The following PDE4D variants were observed in gnomAD, a reference collection of about 807,000 sequenced individuals.
The protein encoded by PDE4D is phosphodiesterase 4D.
A neutral mutation model predicts 87.4 loss-of-function variants in PDE4D; 24 were observed. That is an observed-to-expected ratio of 0.27 (90% CI 0.20 to 0.39). The LOEUF (loss-of-function observed/expected upper bound fraction) is 0.39, where lower values mean the gene tolerates loss of function less well. Ranked by LOEUF, PDE4D falls within the 10% of genes least tolerant of loss-of-function variation. PDE4D has a pLI of 1.00. For missense variants in PDE4D, 714 were observed against 1,041.0 expected, an observed-to-expected ratio of 0.69 and a Z score of 4.32; for synonymous variants, 384 against 383.2, an observed-to-expected ratio of 1.00 and a Z score of -0.02.
chr5:59,016,390 CTTTTTT>C (rs35622981), intron 6 of PDE4D, among the ~76,000 whole-genome samples: 1 of 78,598 alleles, frequency 1.3e-5, no homozygotes, highest in Non-Finnish European at 2.4e-5. Context: ...TCAGTCTGTT[CTTTTTT>C]TTTTTTTTTT....
chr5:59,210,636 A>G (rs992313150), intron 2 of PDE4D, among the ~76,000 whole-genome samples: 3 of 152,214 alleles, frequency 2.0e-5, no homozygotes, highest in African/African-American at 7.2e-5. Flanking sequence ...TTTTTATGGT[A>G]TATCAAATCT....
At chr5:59,514,865 A>G (rs542225112) in intron 1 of PDE4D, among the ~76,000 whole-genome samples, 3 of 152,354 alleles carry the variant, frequency 2.0e-5, no homozygotes, top group African/African-American at 7.2e-5. Flanking sequence ...TTCATTCTAT[A>G]ATGAAACTTA....
At chr5:60,457,070 C>T (rs1746526892) in intron 1 of PDE4D, among the ~76,000 whole-genome samples, 1 of 152,198 alleles carries the variant, frequency 6.6e-6, no homozygotes, top group South Asian at 2.1e-4. Flanking sequence ...GGCACACAAG[C>T]TCCTTGGAAC....
chr5:59,669,816 C>T (rs771170895), intron 1 of PDE4D, among the ~76,000 whole-genome samples: 1 of 152,140 alleles, frequency 6.6e-6, no homozygotes, highest in Non-Finnish European at 1.5e-5. Context: ...CTACTTTCTT[C>T]CTTTTTCACT....
intron 6 of PDE4D, among the ~76,000 whole-genome samples, chr5:58,995,081 A>C (rs1748904376): frequency 6.6e-6 from 1 of 152,080 alleles, no homozygotes; most frequent in Admixed American, 6.6e-5. Flanking sequence ...AACTGGCATG[A>C]CCAGTACAAA....
intron 1 of PDE4D, among the ~76,000 whole-genome samples, chr5:60,278,704 A>G (rs1751604277): frequency 6.7e-6 from 1 of 149,906 alleles, no homozygotes; most frequent in African/African-American, 2.5e-5. Context: ...TAGTTATTGT[A>G]TTTTTCAGTT....
intron 1 of PDE4D, among the ~76,000 whole-genome samples, chr5:59,410,422 T>C (rs1254379533): frequency 1.3e-5 from 2 of 152,158 alleles, no homozygotes; most frequent in Non-Finnish European, 1.5e-5. Flanking sequence ...AATTTTTATA[T>C]TTTTAGTAGA....
chr5:59,296,798 C>CGT (rs1769193909), intron 1 of PDE4D, among the ~76,000 whole-genome samples: 1 of 150,716 alleles, frequency 6.6e-6, no homozygotes, highest in African/African-American at 2.4e-5. Flanking sequence ...CACACACACA[C>CGT]GCGTGCATGC....
At chr5:60,086,454 A>G (rs1774543923) in intron 2 of PDE4D, among the ~76,000 whole-genome samples, 1 of 152,240 alleles carries the variant, frequency 6.6e-6, no homozygotes, top group African/African-American at 2.4e-5. Flanking sequence ...AAACAAACTC[A>G]TAAGAACATT....
At chr5:59,974,335 G>T (rs997166476) in intron 3 of PDE4D, among the ~76,000 whole-genome samples, 5 of 152,032 alleles carry the variant, frequency 3.3e-5, no homozygotes, top group Non-Finnish European at 7.4e-5. Flanking sequence ...TGTTATTATT[G>T]CTGGCAAAAT....
At chr5:59,951,274 T>G (rs994617210) in intron 3 of PDE4D, among the ~76,000 whole-genome samples, 1 of 152,156 alleles carries the variant, frequency 6.6e-6, no homozygotes, top group Non-Finnish European at 1.5e-5. Flanking sequence ...TAAAAATACC[T>G]AATGCAAAGG....
At chr5:59,090,965 G>T in intron 5 of PDE4D, 4 of 302,894 alleles carry the variant, frequency 1.3e-5, no homozygotes, top group South Asian at 2.8e-5. Context: ...TTTGGCCTTT[G>T]GCTCCCTAAA....
chr5:60,012,981 C>T (rs1765159278), intron 2 of PDE4D, among the ~76,000 whole-genome samples: 1 of 152,114 alleles, frequency 6.6e-6, no homozygotes, highest in Non-Finnish European at 1.5e-5. Context: ...TTTTCTCTTG[C>T]CTCTGCGCCC....
At chr5:59,338,804 C>A (rs956867027) in intron 1 of PDE4D, among the ~76,000 whole-genome samples, 5 of 152,130 alleles carry the variant, frequency 3.3e-5, no homozygotes, top group Admixed American at 2.6e-4. Context: ...TAAATTCCTA[C>A]AAAAATTTCC....
At chr5:60,292,039 A>G (rs1467042711) in intron 1 of PDE4D, among the ~76,000 whole-genome samples, 1 of 152,206 alleles carries the variant, frequency 6.6e-6, no homozygotes, top group African/African-American at 2.4e-5. Flanking sequence ...GTAGGATTCA[A>G]CATTCTAGAT....
chr5:60,070,286 G>C (rs573545919), intron 2 of PDE4D, among the ~76,000 whole-genome samples: 1 of 151,910 alleles, frequency 6.6e-6, no homozygotes, highest in Non-Finnish European at 1.5e-5. Flanking sequence ...CCTTCATTCG[G>C]TTTTTCACCA....
chr5:60,310,549 C>A (rs554068858), intron 1 of PDE4D, among the ~76,000 whole-genome samples: 1 of 152,164 alleles, frequency 6.6e-6, no homozygotes, highest in South Asian at 2.1e-4. Flanking sequence ...TCCAGGAACA[C>A]AGGTAAAGTA....
intron 3 of PDE4D, among the ~76,000 whole-genome samples, chr5:59,939,514 T>C (rs934903549): frequency 2.6e-5 from 4 of 152,104 alleles, no homozygotes; most frequent in African/African-American, 9.7e-5. Flanking sequence ...TAAACCAAAG[T>C]CAGTGCCTTG....
At chr5:59,652,932 C>T (rs2150246528) in intron 1 of PDE4D, among the ~76,000 whole-genome samples, 1 of 152,088 alleles carries the variant, frequency 6.6e-6, no homozygotes, top group Non-Finnish European at 1.5e-5. Flanking sequence ...AAGTAAATAT[C>T]TTAGTATTGC....
Sources: gnomAD v4.1 joint callset for allele counts (sites outside exome capture counted in the v4.1 genomes callset) on GRCh38, gnomAD v4.1.1 for gene constraint, MANE v1.5 for transcripts, NCBI Gene and HGNC (gene_info 2026-07-23, HGNC 2026-07-21) for gene names.